ACOT11: variants seen among roughly 807,000 people sequenced by gnomAD.
ACOT11 encodes the protein acyl-coenzyme A thioesterase 11.
A neutral mutation model predicts 77.5 loss-of-function variants in ACOT11; 69 were observed. The observed-to-expected ratio is 0.89, with a 90% CI of 0.73 to 1.09. The LOEUF is 1.09. ACOT11 is among the 50% of genes least tolerant of loss of function. ACOT11 has a pLI of 0.00. For missense variants in ACOT11, 766 were observed against 813.7 expected (o/e 0.94, Z 0.71); for synonymous variants, 279 against 313.0 (o/e 0.89, Z 1.15).
intron 1 of ACOT11, among the ~76,000 whole-genome samples, chr1:54,558,637 C>T (rs1157145855): frequency 6.6e-6 from 1 of 152,192 alleles, no homozygotes; most frequent in East Asian, 1.9e-4. Flanking sequence ...TTGGCAGGCT[C>T]CAAGGCTGGG....
At chr1:54,585,080 G>T (rs1314367968) in intron 2 of ACOT11, among the ~76,000 whole-genome samples, 1 of 152,144 alleles carries the variant, frequency 6.6e-6, no homozygotes, top group African/African-American at 2.4e-5. Flanking sequence ...CCTGAGTGTT[G>T]GTCCCAGGCC....
Position 54,635,414 on chromosome 1 carries a change from C to T in ACOT11, c.*685C>T, listed in dbSNP as rs188136010. 107 of 292,458 alleles carry T rather than the reference C, an allele frequency of 3.7e-4. 1 individual carries two copies. Among genetic ancestry groups the T allele is most frequent in the South Asian group, 1.1e-3 (36 of 31,794 alleles). 18.1% of individuals were successfully genotyped at this position (292,458 alleles called of 1,614,324 possible). ...CACCTCAACCTCAAATAATATGGCC[C>T]GCTCTAGGAGCTAAACATAAGGATT... On this transcript the variant is annotated 3_prime_UTR_variant, in exon 17 of 17. Transcript: ENST00000371316.
rs774030120 is a variant in ACOT11, at chr1:54,619,991, G to A, written c.1630-10743G>A. 7 of 1,613,468 alleles carry A rather than the reference G, an allele frequency of 4.3e-6. No homozygotes were observed. In the Admixed American group the frequency reaches 1.0e-4, roughly 23 times the overall value. On this transcript the variant is annotated intron_variant, in intron 15 of 16. Coordinates refer to the ACOT11 transcript ENST00000371316. ...CCAGCATGTCGGCATCAGGGCTGCA[G>A]GCCTCCAGCTCACAGCCTGGAAGGA...
chr1:54,618,711 G>T (rs1644199617), intron 15 of ACOT11, among the ~76,000 whole-genome samples: 1 of 152,040 alleles, frequency 6.6e-6, no homozygotes, highest in Non-Finnish European at 1.5e-5. Context: ...GGAGTCAATA[G>T]CCCTCCTTGT....
intron 1 of ACOT11, 170 bp downstream of exon 1, chr1:54,548,512 A>G: frequency 1.2e-6 from 1 of 851,982 alleles, no homozygotes; most frequent in South Asian, 1.8e-5. Flanking sequence ...CTGGTTTATT[A>G]TCAGCAGCAA....
chr1:54,562,545 A>ACC (rs1231622338), intron 1 of ACOT11, among the ~76,000 whole-genome samples: 12,585 of 52,058 alleles, frequency 0.24, 2,109 homozygotes, highest in Non-Finnish European at 0.32. Flanking sequence ...CGGGGGGCTG[A>ACC]CCCACCCCCC....
intron 3 of ACOT11, among the ~76,000 whole-genome samples, chr1:54,586,593 G>A (rs1016637793): frequency 4.6e-5 from 7 of 151,874 alleles, no homozygotes; most frequent in Non-Finnish European, 8.8e-5. Context: ...TACAAGGCCC[G>A]GCTAATTTTT....
At chr1:54,610,443 G>T (rs762319397), downstream of ACOT11, 14 of 1,613,534 alleles carry the variant, frequency 8.7e-6, no homozygotes, top group South Asian at 1.4e-4. Context: ...TTTTACCGCT[G>T]CCCTGGACGT....
rs2304307 is a variant in ACOT11, at chr1:54,593,920, G to A, written c.373-21G>A. The A allele has an allele frequency of 2.7e-3, 4,310 of 1,606,692 alleles. 88 individuals carry two copies. The Admixed American group carries it at 0.04, about 15-fold the overall frequency. On this transcript the variant is annotated intron_variant, in intron 4 of 15. Coordinates refer to ENST00000343744, the MANE Select transcript of ACOT11 (RefSeq NM_147161.4). Reference sequence around the variant, plus strand: ...GTGCAATGTTGTTCCTCATTCCTTCGCCCTTACTGTTCCTCTCCAGGTGGG... The same window carrying A: ...GTGCAATGTTGTTCCTCATTCCTTCACCCTTACTGTTCCTCTCCAGGTGGG...
intron 9 of ACOT11, among the ~76,000 whole-genome samples, chr1:54,602,435 A>T (rs546120112): frequency 1.6e-4 from 24 of 152,288 alleles, no homozygotes; most frequent in Non-Finnish European, 2.6e-4. Flanking sequence ...CAGAGGAGGA[A>T]ACTGAGGTCT....
intron 15 of ACOT11, among the ~76,000 whole-genome samples, chr1:54,617,410 A>G (rs1421338261): frequency 2.0e-5 from 3 of 150,820 alleles, no homozygotes; most frequent in African/African-American, 7.3e-5. Flanking sequence ...TTCTCTATAG[A>G]GCCGGCAAAG....
intron 3 of ACOT11, among the ~76,000 whole-genome samples, chr1:54,589,150 G>A (rs966822411): frequency 5.3e-5 from 8 of 151,970 alleles, no homozygotes; most frequent in Non-Finnish European, 1.2e-4. Context: ...CCGAGTAGGT[G>A]GGATTACAGG....
intron 1 of ACOT11, among the ~76,000 whole-genome samples, chr1:54,574,707 CG>C (rs1239290063): frequency 6.6e-6 from 1 of 152,140 alleles, no homozygotes; most frequent in Non-Finnish European, 1.5e-5. Context: ...AGGGTGGGGC[CG>C]GGATTCAAAT....
Position 54,632,783 on chromosome 1 carries a change from G to A in ACOT11, c.1782+1897G>A, listed in dbSNP as rs147285399. Among the ~76,000 whole-genome samples the A allele has an allele frequency of 4.9e-4, 75 of 152,302 alleles. No individual in the cohort carries two copies. The East Asian group carries it at 0.013, about 26-fold the overall frequency. On this transcript the variant is annotated intron_variant, in intron 16 of 16. Transcript: ENST00000371316. ...TTTCTGTACAGCACTGGCTGTCTGC[G>A]TGGCCAATTCAACCCGCTCAATTTA...
intron 7 of ACOT11, chr1:54,598,682 A>C (rs1170654738): frequency 2.0e-5 from 3 of 152,056 alleles, no homozygotes; most frequent in Non-Finnish European, 4.4e-5. Context: ...CTCTACTAAA[A>C]ATACAAAAAT....
At chr1:54,568,421 A>G (rs997050030) in intron 1 of ACOT11, among the ~76,000 whole-genome samples, 1 of 135,390 alleles carries the variant, frequency 7.4e-6, no homozygotes, top group Non-Finnish European at 1.5e-5. Flanking sequence ...CTGGAGTACA[A>G]TGGTGCGACC....
In ACOT11 at chr1:54,629,566, G is replaced by A. The variant is rs182169186; in HGVS notation, c.1630-1168G>A. Among the ~76,000 whole-genome samples, 264 of 133,056 alleles carry A rather than the reference G, an allele frequency of 2.0e-3. 29 individuals carry two copies. Among genetic ancestry groups the A allele is most frequent in the African/African-American group, 6.4e-3 (252 of 39,270 alleles). The allele number at this position is 133,056 out of a possible 152,430, so 87.3% of individuals were successfully genotyped here. On this transcript the variant is annotated intron_variant, in intron 15 of 16. Coordinates refer to the ACOT11 transcript ENST00000371316. The stretch of plus-strand genomic sequence containing the variant: ...CTCCTAAAGGGCTGGGATTACAGGC[G>A]CGAGCCCCCGTGCCCGGCCTGTTTT...
intron 5 of ACOT11, 87 bp downstream of exon 5, chr1:54,594,126 G>A: frequency 7.9e-7 from 1 of 1,267,166 alleles, no homozygotes; most frequent in South Asian, 1.3e-5. Flanking sequence ...ATGAGGTTAG[G>A]GGTTGGCAGA....
At chr1:54,565,010 AAG>A (rs1191683139) in intron 1 of ACOT11, among the ~76,000 whole-genome samples, 1 of 152,138 alleles carries the variant, frequency 6.6e-6, no homozygotes. Flanking sequence ...GCCCTTTCTG[AAG>A]AGAGTCCAAG....
Sources: gnomAD v4.1 joint callset for allele counts (sites outside exome capture counted in the v4.1 genomes callset) on GRCh38, gnomAD v4.1.1 for gene constraint, MANE v1.5 for transcripts, NCBI Gene and HGNC (gene_info 2026-07-23, HGNC 2026-07-21) for gene names.